The following ANO10 variants were observed in gnomAD, a reference collection of about 807,000 sequenced individuals.
The protein encoded by ANO10 is anoctamin 10, also known as anoctamin-10.
In ANO10, 77 loss-of-function variants were observed where a neutral mutation model predicts 74.7. The ratio of observed to expected loss-of-function variants is 1.03; its 90% confidence interval spans 0.86 to 1.25. The LOEUF (loss-of-function observed/expected upper bound fraction) is 1.25, where lower values mean the gene tolerates loss of function less well. Among genes scored for constraint, ANO10 ranks in the 50% most tolerant of loss-of-function variants. The pLI, the probability that ANO10 is intolerant of heterozygous loss-of-function variation, is 0.00. For missense variants in ANO10, 721 were observed against 778.1 expected (o/e 0.93, Z 0.87); for synonymous variants, 279 against 284.9 (o/e 0.98, Z 0.21).
rs547273722 is a variant in ANO10, at chr3:43,509,135, G to A, written c.1797+40585C>T. On this transcript the variant is annotated intron_variant, in intron 11 of 12. Coordinates refer to ENST00000292246, the MANE Select transcript of ANO10 (RefSeq NM_018075.5). ...TTGCAAGGACAGAAAACCAAACACC[G>A]CATGTTCTCAGTCATACATGGGAAT... Among the ~76,000 whole-genome samples, 11 of 151,588 alleles carry A rather than the reference G, an allele frequency of 7.3e-5. No homozygotes were observed. In the South Asian group the frequency reaches 1.9e-3, roughly 26 times the overall value.
intron 11 of ANO10, among the ~76,000 whole-genome samples, chr3:43,516,525 T>C (rs2077718398): frequency 6.6e-6 from 1 of 152,150 alleles, no homozygotes; most frequent in Non-Finnish European, 1.5e-5. Context: ...CTTTATTTTG[T>C]AAGAAAAGGA....
chr3:43,647,213 T>A (rs1459887555), intron 1 of ANO10, among the ~76,000 whole-genome samples: 4 of 150,500 alleles, frequency 2.7e-5, no homozygotes, highest in African/African-American at 7.3e-5. Flanking sequence ...CATAGATAAA[T>A]AGATAGATAA....
intron 1 of ANO10, among the ~76,000 whole-genome samples, chr3:43,684,464 C>T (rs1335805199): frequency 2.0e-5 from 3 of 152,200 alleles, no homozygotes; most frequent in Admixed American, 2.0e-4. Flanking sequence ...GAAATAGGAA[C>T]ACTTTTACAC....
intron 1 of ANO10, among the ~76,000 whole-genome samples, chr3:43,613,638 A>G: frequency 6.6e-6 from 1 of 152,198 alleles, no homozygotes; most frequent in Non-Finnish European, 1.5e-5. Context: ...ACTTTGTGGT[A>G]TTCTTTTAAC....
At chr3:43,606,051 T>C (rs2082548673) in intron 1 of ANO10, among the ~76,000 whole-genome samples, 188 bp from the exon 2 acceptor site, 1 of 152,174 alleles carries the variant, frequency 6.6e-6, no homozygotes, top group Non-Finnish European at 1.5e-5. Flanking sequence ...GAGCCAAGCT[T>C]TGGAAAGAAC....
At chr3:43,473,763 C>T (rs2075958849) in intron 11 of ANO10, among the ~76,000 whole-genome samples, 2 of 152,122 alleles carry the variant, frequency 1.3e-5, no homozygotes, top group Admixed American at 6.5e-5. Flanking sequence ...TTCAGCAGCA[C>T]TTCAACATTG....
chr3:43,557,272 A>G (rs940825821), intron 9 of ANO10, among the ~76,000 whole-genome samples: 5 of 152,204 alleles, frequency 3.3e-5, no homozygotes, highest in African/African-American at 1.2e-4. Context: ...CAATGGTGGT[A>G]TACTTCCAAA....
At chr3:43,562,102 G>T (rs1365060603) in intron 8 of ANO10, among the ~76,000 whole-genome samples, 3 of 152,070 alleles carry the variant, frequency 2.0e-5, no homozygotes, top group Non-Finnish European at 2.9e-5. Flanking sequence ...AGGGTGCAGT[G>T]GCTCATGCCT....
intron 11 of ANO10, chr3:43,472,693 A>C (rs1052153881): frequency 6.6e-6 from 1 of 151,890 alleles, no homozygotes; most frequent in African/African-American, 2.4e-5. Flanking sequence ...AATTGCTATA[A>C]AAAAAATTTT....
chr3:43,617,181 G>A (rs911511730), intron 1 of ANO10, among the ~76,000 whole-genome samples: 1 of 149,522 alleles, frequency 6.7e-6, no homozygotes, highest in Non-Finnish European at 1.5e-5. Context: ...TGAAAAAATG[G>A]AAACAAAATA....
intron 11 of ANO10, among the ~76,000 whole-genome samples, chr3:43,458,361 A>G (rs1257099770): frequency 6.6e-6 from 1 of 152,134 alleles, no homozygotes; most frequent in African/African-American, 2.4e-5. Context: ...AATCCAGGAT[A>G]CCTGTTTTTT....
chr3:43,462,095 G>A (rs1396378217), intron 11 of ANO10, among the ~76,000 whole-genome samples: 2 of 152,196 alleles, frequency 1.3e-5, no homozygotes, highest in African/African-American at 2.4e-5. Flanking sequence ...GAGACTGGTG[G>A]CATTTTGCCC....
At chr3:43,491,240 C>A (rs2076708379) in intron 11 of ANO10, among the ~76,000 whole-genome samples, 1 of 152,170 alleles carries the variant, frequency 6.6e-6, no homozygotes, top group Non-Finnish European at 1.5e-5. Context: ...AGGCCAGACA[C>A]AGTGGCCTCA....
At chr3:43,598,896 AC>A (rs2082212154) in intron 3 of ANO10, among the ~76,000 whole-genome samples, 1 of 152,226 alleles carries the variant, frequency 6.6e-6, no homozygotes, top group Admixed American at 6.5e-5. Context: ...TCATTTTAAT[AC>A]TTATATTAGA....
intron 12 of ANO10, among the ~76,000 whole-genome samples, chr3:43,410,980 C>T (rs1323904198): frequency 1.3e-5 from 2 of 151,862 alleles, no homozygotes; most frequent in Non-Finnish European, 2.9e-5. Context: ...GATAGCACCT[C>T]CCTCACGGGC....
At chr3:43,650,818 A>G (rs2083779195) in intron 1 of ANO10, among the ~76,000 whole-genome samples, 1 of 152,218 alleles carries the variant, frequency 6.6e-6, no homozygotes, top group Non-Finnish European at 1.5e-5. Context: ...TACTAACATT[A>G]ATGTAATAAA....
Position 43,690,944 on chromosome 3 carries a change from C to T in ANO10, c.-12+573G>A, listed in dbSNP as rs1342792583. 4.5e-6 allele frequency: 7 copies of T among 1,541,486 alleles called. No homozygotes were observed. In the African/African-American group the frequency reaches 5.7e-5, roughly 13 times the overall value. ...CGCCAGCCCGGGGCGGCCCAGTCGGCCTGTCAGCCGGCTTCGAGATAAGTC... is the reference window on the plus strand; with the variant it reads ...CGCCAGCCCGGGGCGGCCCAGTCGGTCTGTCAGCCGGCTTCGAGATAAGTC... On this transcript the variant is annotated intron_variant, in intron 1 of 3. Transcript: ENST00000413397.
chr3:43,433,845 A>C (rs747694881), intron 11 of ANO10, among the ~76,000 whole-genome samples: 9 of 152,244 alleles, frequency 5.9e-5, no homozygotes, highest in Admixed American at 1.3e-4. Flanking sequence ...CTCTGTGGTG[A>C]CAGCATGAGT....
At chr3:43,673,304 A>G (rs55659203) in intron 1 of ANO10, among the ~76,000 whole-genome samples, 5,808 of 152,340 alleles carry the variant, frequency 0.038, 158 homozygotes, top group South Asian at 0.057. Flanking sequence ...ACAAGTGCAG[A>G]CTAAACAGAA....
Sources: allele counts gnomAD v4.1 joint callset (sites outside exome capture counted in the v4.1 genomes callset), GRCh38; gene constraint gnomAD v4.1.1; transcripts MANE v1.5; gene names NCBI Gene and HGNC (gene_info 2026-07-23, HGNC 2026-07-21).